PLS3: variants seen among roughly 807,000 people sequenced by gnomAD.
PLS3 encodes the protein plastin-3.
In PLS3, 11 loss-of-function variants were observed where a neutral mutation model predicts 46.5. The ratio of observed to expected loss-of-function variants is 0.24; its 90% confidence interval spans 0.15 to 0.39. The LOEUF (loss-of-function observed/expected upper bound fraction) is 0.39. Among genes scored for constraint, PLS3 ranks in the 10% least tolerant of loss-of-function variants. The pLI, the probability that PLS3 is intolerant of heterozygous loss-of-function variation, is 1.00. For missense variants in PLS3, 308 were observed against 461.8 expected, an observed-to-expected ratio of 0.67 and a Z score of 3.05; for synonymous variants, 167 against 162.2, an observed-to-expected ratio of 1.03 and a Z score of -0.22.
chrX:115,568,710 A>T (rs1041504104), intron 1 of PLS3, among the ~76,000 whole-genome samples: 2 of 112,297 alleles, frequency 1.8e-5, no homozygotes, highest in Non-Finnish European at 3.7e-5. Context: ...ATTGGCTTAA[A>T]CAAAAAGATA....
intron 2 of PLS3, among the ~76,000 whole-genome samples, chrX:115,611,191 A>G (rs1179225780): frequency 8.9e-6 from 1 of 112,810 alleles, no homozygotes; most frequent in Non-Finnish European, 1.9e-5. Flanking sequence ...TTCTGTTCCC[A>G]TATATTTATG....
intron 2 of PLS3, chrX:115,614,124 C>T (rs2074573525): frequency 1.7e-5 from 2 of 119,198 alleles, no homozygotes; most frequent in Non-Finnish European, 3.3e-5. Context: ...GCCACCACGC[C>T]CGGCTAATTT....
Position 115,567,707 on chromosome X carries a change from TTC to T in PLS3, c.-9+6449_-9+6450del, listed in dbSNP as rs1335399955. Among the ~76,000 whole-genome samples, 930 of 102,311 alleles carry T rather than the reference TTC, an allele frequency of 9.1e-3. 15 individuals are homozygous for T. The highest frequency in any genetic ancestry group is 0.033 in the African/African-American group (873 of 26,288). The allele number at this position is 102,311 out of a possible 115,157, so 88.8% of individuals were successfully genotyped here. A position where few individuals can be genotyped will look rare whatever the true frequency, so the allele number is the denominator to read the frequency against. On this transcript the variant is annotated intron_variant, in intron 1 of 15. Transcript: ENST00000355899. ...ACTTGGATTTTCTTTTCTTTTCTTC[TTC>T]TTTTTTTTTTTTTTTTTTTTGAGTC... is the stretch of plus-strand genomic sequence containing the variant.
At chrX:115,627,621 T>C (rs1378137588) in intron 3 of PLS3, among the ~76,000 whole-genome samples, 1 of 112,184 alleles carries the variant, frequency 8.9e-6, no homozygotes, top group African/African-American at 3.2e-5. Context: ...CTGCCTGAAG[T>C]GTGTGCGTAA....
At chrX:115,562,596 A>T (rs1473914101) in intron 1 of PLS3, 1 of 111,063 alleles carries the variant, frequency 9.0e-6, no homozygotes, top group African/African-American at 3.3e-5. Context: ...TGTAGGGAAA[A>T]GTAAAAACCA....
intron 1 of PLS3, among the ~76,000 whole-genome samples, chrX:115,604,634 T>C (rs2074474309): frequency 9.0e-6 from 1 of 111,702 alleles, no homozygotes; most frequent in Non-Finnish European, 1.9e-5. Context: ...GGTGTACTGG[T>C]ACTTGAGATT....
chrX:115,561,232 G>C lies in PLS3; in HGVS notation c.-37G>C, dbSNP rs1273862296. 1.8e-5 allele frequency: 2 copies of C among 111,995 alleles called. No individual in the cohort carries two copies. The highest frequency in any genetic ancestry group is 5.7e-4 in the East Asian group (2 of 3,521). The allele number at this position is 111,995 out of a possible 1,213,427, so 9.2% of individuals were successfully genotyped here. A position where few individuals can be genotyped will look rare whatever the true frequency, so the allele number is the denominator to read the frequency against. ...CTGAGTGGGTTGGTCGGCGGCAGTCGGGCCAGACCCAGGACTCTGCGACTT... is the reference window on the plus strand; with the variant it reads ...CTGAGTGGGTTGGTCGGCGGCAGTCCGGCCAGACCCAGGACTCTGCGACTT... On this transcript the variant is annotated 5_prime_UTR_variant, in exon 1 of 16. Transcript: ENST00000355899.
chrX:115,645,549 A>C (rs113237459), intron 11 of PLS3, among the ~76,000 whole-genome samples: 3,375 of 110,419 alleles, frequency 0.031, 120 homozygotes, highest in African/African-American at 0.1. Flanking sequence ...ATCCACAACA[A>C]CTCAGGGACT....
At chrX:115,573,791 C>T (rs1370795948) in intron 1 of PLS3, among the ~76,000 whole-genome samples, 2 of 110,902 alleles carry the variant, frequency 1.8e-5, no homozygotes, top group East Asian at 2.8e-4. Flanking sequence ...GCAACCTCCG[C>T]GTCCCAGGTT....
intron 1 of PLS3, among the ~76,000 whole-genome samples, chrX:115,566,316 G>A (rs1050931189): frequency 9.0e-6 from 1 of 111,135 alleles, no homozygotes; most frequent in African/African-American, 3.3e-5. Context: ...TGAAAAATAA[G>A]AGACTAGGTT....
intron 7 of PLS3, among the ~76,000 whole-genome samples, chrX:115,636,449 G>A (rs1173204096): frequency 1.8e-5 from 2 of 110,640 alleles, no homozygotes; most frequent in African/African-American, 6.6e-5. Context: ...CTCGTGATCC[G>A]CCCGCCTCGG....
intron 9 of PLS3, among the ~76,000 whole-genome samples, chrX:115,642,342 T>TA (rs2074907056): frequency 9.0e-6 from 1 of 111,658 alleles, no homozygotes; most frequent in African/African-American, 3.3e-5. Flanking sequence ...CCATTCTCCC[T>TA]ACGCTCAAAA....
intron 1 of PLS3, among the ~76,000 whole-genome samples, chrX:115,587,454 G>A (rs2074316105): frequency 8.9e-6 from 1 of 112,198 alleles, no homozygotes; most frequent in Non-Finnish European, 1.9e-5. Flanking sequence ...TAGAAAACCA[G>A]GCCGGGCGCG....
intron 1 of PLS3, among the ~76,000 whole-genome samples, chrX:115,603,394 T>C (rs965416029): frequency 9.0e-6 from 1 of 111,710 alleles, no homozygotes; most frequent in African/African-American, 3.3e-5. Flanking sequence ...TCTACAGCTT[T>C]CCCTTTTCCT....
intron 2 of PLS3, among the ~76,000 whole-genome samples, chrX:115,615,033 A>AAC (rs781919846): frequency 1.9e-3 from 203 of 109,252 alleles, no homozygotes; most frequent in African/African-American, 5.0e-3. Flanking sequence ...TGTTTAAAGC[A>AAC]ACACACACAC....
chrX:115,601,769 T>C (rs2074446791), intron 1 of PLS3, among the ~76,000 whole-genome samples: 1 of 111,909 alleles, frequency 8.9e-6, no homozygotes, highest in Non-Finnish European at 1.9e-5. Flanking sequence ...GATCCTCCCT[T>C]TGTTTTTTAT....
At position 115,604,434 on chromosome X, in the gene PLS3, T is replaced by C. The variant is rs188468216; in HGVS notation, c.-8-5809T>C. ...ACCATCTGTAATCTTCATTAGGACCTGGGGGAAGTAGGTATTATTATCACT... is the reference window on the plus strand; with the variant it reads ...ACCATCTGTAATCTTCATTAGGACCCGGGGGAAGTAGGTATTATTATCACT... On this transcript the variant is annotated intron_variant, in intron 1 of 15. Transcript: ENST00000355899. 1.2e-4 allele frequency among the ~76,000 whole-genome samples: 14 copies of C among 112,037 alleles called. No individual in the cohort carries two copies. In the East Asian group the frequency reaches 3.9e-3, roughly 31 times the overall value.
chrX:115,640,122 A>T, intron 8 of PLS3: 1 of 1,124,935 alleles, frequency 8.9e-7, no homozygotes, highest in East Asian at 3.3e-5. Context: ...TATTGACTTC[A>T]GTAATTCAGT....
intron 3 of PLS3, among the ~76,000 whole-genome samples, chrX:115,622,783 T>C (rs1441158476): frequency 9.0e-6 from 1 of 111,462 alleles, no homozygotes; most frequent in Non-Finnish European, 1.9e-5. Context: ...TAATACACCC[T>C]GACTCACAGT....
Sources: gnomAD v4.1 joint callset for allele counts (sites outside exome capture counted in the v4.1 genomes callset) on GRCh38, gnomAD v4.1.1 for gene constraint, MANE v1.5 for transcripts, NCBI Gene and HGNC (gene_info 2026-07-23, HGNC 2026-07-21) for gene names.